MYRIP: variants seen among roughly 807,000 people sequenced by gnomAD.
MYRIP encodes the protein myosin VIIA and Rab interacting protein, also known as rab effector MyRIP.
Under a neutral mutation model 98.0 loss-of-function variants are expected in MYRIP, and 49 were observed. The ratio of observed to expected loss-of-function variants is 0.50; its 90% CI spans 0.40 to 0.63. The LOEUF (loss-of-function observed/expected upper bound fraction) is 0.63, where lower values mean the gene tolerates loss of function less well. Ranked by LOEUF, MYRIP falls within the 30% of genes least tolerant of loss-of-function variation. MYRIP has a pLI of 0.00. For missense variants in MYRIP, 1,004 were observed against 1,058.2 expected, an observed-to-expected ratio of 0.95 and a Z score of 0.71; for synonymous variants, 404 against 409.5, an observed-to-expected ratio of 0.99 and a Z score of 0.16.
chr3:40,214,040 C>T lies in MYRIP; in HGVS notation c.1905+3947C>T, dbSNP rs571974946. ...CTGTTCCCTTTCCTGTCCCACTTCC[C>T]CACTCCTCTGCCACTGTTTCCTGGG... On this transcript the variant is annotated intron_variant, in intron 11 of 16. Coordinates refer to ENST00000302541, the MANE Select transcript of MYRIP (RefSeq NM_015460.4). Among the ~76,000 whole-genome samples the T allele has an allele frequency of 3.3e-5, 5 of 152,288 alleles. No individual in the cohort carries two copies. The East Asian group carries it at 9.7e-4, about 29-fold the overall frequency.
chr3:39,857,346 C>CA (rs1269451357), intron 1 of MYRIP, among the ~76,000 whole-genome samples: 2 of 151,434 alleles, frequency 1.3e-5, no homozygotes, highest in Admixed American at 1.3e-4. Context: ...TAGTGAATGA[C>CA]AAAAAAAGAC....
At chr3:40,128,376 T>C (rs545883539) in intron 3 of MYRIP, among the ~76,000 whole-genome samples, 2 of 152,280 alleles carry the variant, frequency 1.3e-5, no homozygotes, top group African/African-American at 2.4e-5. Flanking sequence ...CTGGACAACA[T>C]AGTTGCACGG....
chr3:40,219,317 T>A (rs994067346), intron 11 of MYRIP, among the ~76,000 whole-genome samples: 14 of 152,200 alleles, frequency 9.2e-5, no homozygotes, highest in Non-Finnish European at 1.5e-5. Context: ...ATATTTTGTT[T>A]GTTTTATTTT....
chr3:39,910,185 G>A (rs1467506166), intron 2 of MYRIP, among the ~76,000 whole-genome samples: 1 of 152,106 alleles, frequency 6.6e-6, no homozygotes, highest in African/African-American at 2.4e-5. Flanking sequence ...CACCATGCCC[G>A]GCCGCATATT....
chr3:40,257,565 A>G (rs1269743795), intron 16 of MYRIP, among the ~76,000 whole-genome samples: 1 of 152,244 alleles, frequency 6.6e-6, no homozygotes, highest in African/African-American at 2.4e-5. Flanking sequence ...GTTCAATAAG[A>G]AAAGTCATTT....
intron 10 of MYRIP, 125 bp downstream of exon 10, chr3:40,190,588 G>C (rs1951180641): frequency 4.2e-6 from 6 of 1,438,730 alleles, no homozygotes; most frequent in Non-Finnish European, 5.5e-6. Context: ...TCTTGGTTTT[G>C]CAGCTAAGTA....
At chr3:39,919,570 A>G (rs1944252378) in intron 2 of MYRIP, among the ~76,000 whole-genome samples, 1 of 151,824 alleles carries the variant, frequency 6.6e-6, no homozygotes, top group South Asian at 2.1e-4. Context: ...AGTTTTATCC[A>G]ATTGTGTGGG....
At chr3:40,071,488 T>G (rs557866032) in intron 3 of MYRIP, among the ~76,000 whole-genome samples, 1 of 152,244 alleles carries the variant, frequency 6.6e-6, no homozygotes, top group South Asian at 2.1e-4. Context: ...TTATTTACTA[T>G]GTGTGATTTT....
At chr3:40,246,676 T>A (rs1953216703) in intron 13 of MYRIP, among the ~76,000 whole-genome samples, 1 of 152,216 alleles carries the variant, frequency 6.6e-6, no homozygotes, top group African/African-American at 2.4e-5. Flanking sequence ...GAGGGGGTTG[T>A]GACTCAGCTT....
At chr3:40,256,871 T>C (rs1283125124) in intron 16 of MYRIP, among the ~76,000 whole-genome samples, 1 of 152,114 alleles carries the variant, frequency 6.6e-6, no homozygotes, top group Non-Finnish European at 1.5e-5. Flanking sequence ...ACCTCAATCA[T>C]GAAAGCCTGC....
chr3:40,244,327 C>T (rs1953115759), intron 12 of MYRIP, 119 bp from the exon 13 acceptor site: 2 of 770,534 alleles, frequency 2.6e-6, no homozygotes, highest in East Asian at 6.1e-5. Context: ...AAATAACATC[C>T]CCCCTGCAAT....
intron 2 of MYRIP, among the ~76,000 whole-genome samples, chr3:40,003,566 G>A (rs1946568506): frequency 6.6e-6 from 1 of 152,114 alleles, no homozygotes; most frequent in Non-Finnish European, 1.5e-5. Context: ...TGGATGAAGT[G>A]TTGTAGGGTG....
chr3:39,961,050 A>G (rs1945312588), intron 2 of MYRIP, among the ~76,000 whole-genome samples: 1 of 152,130 alleles, frequency 6.6e-6, no homozygotes, highest in Admixed American at 6.6e-5. Context: ...TCTAAGATAC[A>G]AGCATTTCCC....
rs1274070422 is a variant in MYRIP at position 40,170,037 on chromosome 3, G to C, written c.817G>C (p.Ala273Pro). ...TCCCCAGAGTTGCAGCACAAAGGTG[G>C]CAGATGAGGGGACCTCAGCATCCCC... ...PHPQSCSTKV[A>P]DEGTSASPGG... Residue 273 changes from alanine to proline, a missense_variant, in exon 8 of 17, where the codon GCA becomes CCA. By Grantham distance (27) the Ala-to-Pro change is conservative. Coordinates refer to ENST00000302541, the MANE Select transcript of MYRIP (RefSeq NM_015460.4). 1 of 1,614,216 alleles carries C rather than the reference G, an allele frequency of 6.2e-7. No homozygotes were observed. The highest frequency in any genetic ancestry group is 8.5e-7 in the Non-Finnish European group (1 of 1,180,038).
At chr3:39,977,450 T>A (rs753214735) in intron 2 of MYRIP, among the ~76,000 whole-genome samples, 1 of 152,220 alleles carries the variant, frequency 6.6e-6, no homozygotes, top group East Asian at 1.9e-4. Context: ...TTTGTTGATA[T>A]GACCAGTGTA....
At position 40,138,813 on chromosome 3, in the gene MYRIP, T is replaced by C. The variant is rs1374904103; in HGVS notation, c.333-12235T>C. The stretch of plus-strand genomic sequence containing the variant: ...GCCATGTCAAGTATAGCTACTTCTT[T>C]GTGTCAGAAACATTCAATACTCTCC... On this transcript the variant is annotated intron_variant, in intron 3 of 16. Coordinates refer to ENST00000302541, the MANE Select transcript of MYRIP (RefSeq NM_015460.4). 2.0e-5 allele frequency among the ~76,000 whole-genome samples: 3 copies of C among 152,348 alleles called. No homozygotes were observed. The East Asian group carries it at 5.8e-4, about 29-fold the overall frequency.
chr3:40,259,245 C>T lies in MYRIP; in HGVS notation c.*1079C>T, dbSNP rs2125736359. The T allele has an allele frequency of 6.6e-6, 1 of 152,262 alleles. No homozygotes were observed. Among genetic ancestry groups the T allele is most frequent in the Middle Eastern group, 3.4e-3 (1 of 294 alleles). The allele number at this position is 152,262 out of a possible 1,614,324, so 9.4% of individuals were successfully genotyped here. A position where few individuals can be genotyped will look rare whatever the true frequency, so the allele number is the denominator to read the frequency against. ...TCCATGTCTGTGGTTTCTTTGAACC[C>T]ATATCAAATGTATGACTATTTAGAG... is the stretch of plus-strand genomic sequence containing the variant. On this transcript the variant is annotated 3_prime_UTR_variant, in exon 17 of 17. Coordinates refer to ENST00000302541, the MANE Select transcript of MYRIP (RefSeq NM_015460.4).
At chr3:39,841,823 C>T (rs1941808421) in intron 1 of MYRIP, among the ~76,000 whole-genome samples, 1 of 152,200 alleles carries the variant, frequency 6.6e-6, no homozygotes. Context: ...TCTTCTTCCT[C>T]TGGAAGCTTC....
chr3:39,956,171 A>G (rs1445532087), intron 2 of MYRIP, among the ~76,000 whole-genome samples: 1 of 152,218 alleles, frequency 6.6e-6, no homozygotes, highest in African/African-American at 2.4e-5. Context: ...CTCTGCACCA[A>G]GGAGACCTAA....
Sources: gnomAD v4.1 joint callset for allele counts (sites outside exome capture counted in the v4.1 genomes callset) on GRCh38, gnomAD v4.1.1 for gene constraint, MANE v1.5 for transcripts, NCBI Gene and HGNC (gene_info 2026-07-23, HGNC 2026-07-21) for gene names.